The following SLC25A30 variants were observed in gnomAD, a reference collection of about 807,000 sequenced individuals.
SLC25A30 encodes kidney mitochondrial carrier protein 1.
SLC25A30 carries 29 observed loss-of-function variants against 42.7 expected under a neutral mutation model. The ratio of observed to expected loss-of-function variants is 0.68; its 90% CI spans 0.51 to 0.93. SLC25A30 has a LOEUF of 0.93. SLC25A30 is among the 40% of genes least tolerant of loss of function. The probability of loss-of-function intolerance (pLI) is 0.00; values close to 1 mark genes in which losing one functional copy is unlikely to be tolerated. For missense variants in SLC25A30, 300 were observed against 359.7 expected, an observed-to-expected ratio of 0.83 and a Z score of 1.34; for synonymous variants, 124 against 131.0, an observed-to-expected ratio of 0.95 and a Z score of 0.37.
upstream of SLC25A30, among the ~76,000 whole-genome samples, chr13:45,421,285 A>G (rs892446853): frequency 6.7e-6 from 1 of 149,260 alleles, no homozygotes; most frequent in Admixed American, 6.8e-5. Context: ...AGGCTAAGGC[A>G]GGAGAATTGC....
Position 45,395,174 on chromosome 13 carries a change from A to T in SLC25A30, c.*800T>A, listed in dbSNP as rs1377746863. 1 of 984,784 alleles carries T rather than the reference A, an allele frequency of 1.0e-6. No homozygotes were observed. The highest frequency in any genetic ancestry group is 1.1e-4 in the East Asian group (1 of 8,818). 61.0% of individuals were successfully genotyped at this position (984,784 alleles called of 1,614,324 possible). On this transcript the variant is annotated 3_prime_UTR_variant, in exon 10 of 10. Coordinates refer to ENST00000519676, the MANE Select transcript of SLC25A30 (RefSeq NM_001010875.4). Reference sequence around the variant, plus strand: ...TACATCAATAGACGTTATTATCCCCATTTTACTCATTGAGAAATACATATG... The same window carrying T: ...TACATCAATAGACGTTATTATCCCCTTTTTACTCATTGAGAAATACATATG...
At chr13:45,427,366 T>A in the SLC25A30 span, among the ~76,000 whole-genome samples, 1 of 152,168 alleles carries the variant, frequency 6.6e-6, no homozygotes, top group Non-Finnish European at 1.5e-5. Context: ...TTTCATTAAC[T>A]GAACTCATTG....
At chr13:45,409,943 C>T (rs1187983147) in intron 2 of SLC25A30, among the ~76,000 whole-genome samples, 1 of 152,198 alleles carries the variant, frequency 6.6e-6, no homozygotes, top group Non-Finnish European at 1.5e-5. Flanking sequence ...GAAAGCCCAC[C>T]AGCACAGAGA....
chr13:45,400,033 T>TATATACACACACAC (rs571184813), intron 7 of SLC25A30, among the ~76,000 whole-genome samples: 11 of 122,988 alleles, frequency 8.9e-5, no homozygotes, highest in Non-Finnish European at 1.7e-4. Flanking sequence ...TATATATATA[T>TATATACACACACAC]ACACACACAC....
Position 45,394,931 on chromosome 13 carries a change from T to C in SLC25A30, c.*1043A>G. 2.0e-6 allele frequency: 2 copies of C among 985,446 alleles called. No homozygotes were observed. Among genetic ancestry groups the C allele is most frequent in the Non-Finnish European group, 2.4e-6 (2 of 829,932 alleles). 61.0% of individuals were successfully genotyped at this position (985,446 alleles called of 1,614,324 possible). A position where few individuals can be genotyped will look rare whatever the true frequency, so the allele number is the denominator to read the frequency against. ...TCAACTCTTTGATTCACTACCAACATTTTGCTAAGGAAAATGTACTAAAGC... is the reference window on the plus strand; with the variant it reads ...TCAACTCTTTGATTCACTACCAACACTTTGCTAAGGAAAATGTACTAAAGC... On this transcript the variant is annotated 3_prime_UTR_variant, in exon 10 of 10. Coordinates refer to ENST00000519676, the MANE Select transcript of SLC25A30 (RefSeq NM_001010875.4).
At chr13:45,423,830 TTA>T in the SLC25A30 span, among the ~76,000 whole-genome samples, 11,092 of 76,220 alleles carry the variant, frequency 0.15, 1,170 homozygotes, top group African/African-American at 0.24. Flanking sequence ...AAATATATAT[TTA>T]TATATATAAA....
chr13:45,409,502 G>C (rs1882819535), intron 2 of SLC25A30, among the ~76,000 whole-genome samples: 1 of 151,960 alleles, frequency 6.6e-6, no homozygotes, highest in African/African-American at 2.4e-5. Context: ...ACTTGGGAGA[G>C]TGTTTTATAG....
At chr13:45,402,478 T>C (rs1286464484) in intron 5 of SLC25A30, 108 bp from the exon 6 acceptor site, 10 of 887,654 alleles carry the variant, frequency 1.1e-5, no homozygotes, top group Non-Finnish European at 1.6e-5. Context: ...TTAATAACCA[T>C]TAGCAAGGAA....
In SLC25A30 at chr13:45,394,821, A is replaced by C; in HGVS notation, c.*1153T>G. ...CTAAAGAAATCATTTTTAAAATTTC[A>C]AGCAGGTATTTTCCATCCAAACTAA... is the stretch of plus-strand genomic sequence containing the variant. On this transcript the variant is annotated 3_prime_UTR_variant, in exon 10 of 10. Coordinates refer to ENST00000519676, the MANE Select transcript of SLC25A30 (RefSeq NM_001010875.4). 1 of 985,426 alleles carries C rather than the reference A, an allele frequency of 1.0e-6. No homozygotes were observed. The highest frequency in any genetic ancestry group is 1.2e-6 in the Non-Finnish European group (1 of 829,894). The allele number at this position is 985,426 out of a possible 1,614,324, so 61.0% of individuals were successfully genotyped here.
chr13:45,395,507 T>C lies in SLC25A30; in HGVS notation c.*467A>G. On this transcript the variant is annotated 3_prime_UTR_variant, in exon 10 of 10. Coordinates refer to ENST00000519676, the MANE Select transcript of SLC25A30 (RefSeq NM_001010875.4). ...ACAGTCCAGGTCTCCATACATGAAA[T>C]TTCTTCAGTTGACAAGGAGCAAAAT... 1 of 1,048,474 alleles carries C rather than the reference T, an allele frequency of 9.5e-7. No individual in the cohort carries two copies. The highest frequency in any genetic ancestry group is 1.2e-6 in the Non-Finnish European group (1 of 867,014). The allele number at this position is 1,048,474 out of a possible 1,614,324, so 64.9% of individuals were successfully genotyped here.
chr13:45,400,943 G>T (rs1371982566), intron 7 of SLC25A30, 140 bp downstream of exon 7: 1 of 631,434 alleles, frequency 1.6e-6, no homozygotes, highest in Non-Finnish European at 2.6e-6. Context: ...AACAACAGCT[G>T]CCTATGTAGA....
chr13:45,407,593 A>G (rs970479102), intron 3 of SLC25A30, among the ~76,000 whole-genome samples: 1 of 152,130 alleles, frequency 6.6e-6, no homozygotes, highest in South Asian at 2.1e-4. Context: ...TAAAAGACTG[A>G]TGACTCCAAA....
the SLC25A30 span, among the ~76,000 whole-genome samples, chr13:45,426,981 T>G: frequency 6.6e-6 from 1 of 152,104 alleles, no homozygotes; most frequent in Non-Finnish European, 1.5e-5. Context: ...TTTCTATATT[T>G]AACTCTAAAC....
At chr13:45,398,022 G>GT in intron 8 of SLC25A30, 12 of 985,386 alleles carry the variant, frequency 1.2e-5, no homozygotes, top group Non-Finnish European at 1.3e-5. Flanking sequence ...AAGATGTCAG[G>GT]TGGATGAATA....
At chr13:45,405,791 A>AT in intron 4 of SLC25A30, 92 bp downstream of exon 4, 3 of 1,167,174 alleles carry the variant, frequency 2.6e-6, no homozygotes, top group Non-Finnish European at 3.7e-6. Flanking sequence ...AAAGTCACAA[A>AT]TAAGCTGAAG....
upstream of SLC25A30, among the ~76,000 whole-genome samples, chr13:45,419,442 C>A (rs1371411956): frequency 6.7e-6 from 1 of 150,152 alleles, no homozygotes; most frequent in East Asian, 2.0e-4. Flanking sequence ...CCTCAGCCTC[C>A]CGAGTAGCTG....
At chr13:45,431,060 T>C in the SLC25A30 span, among the ~76,000 whole-genome samples, 1 of 152,198 alleles carries the variant, frequency 6.6e-6, no homozygotes, top group South Asian at 2.1e-4. Context: ...TTTTTGTTTT[T>C]GTTTGAGATG....
upstream of SLC25A30, among the ~76,000 whole-genome samples, chr13:45,421,058 A>C (rs1883878553): frequency 6.6e-6 from 1 of 152,056 alleles, no homozygotes; most frequent in Non-Finnish European, 1.5e-5. Flanking sequence ...ACTTGGTTGC[A>C]GCAGCATAAC....
rs1488437554 is a variant in SLC25A30 at position 45,411,381 on chromosome 13, G to C, written c.45C>G (p.Ala15=). 6.2e-7 allele frequency: 1 copy of C among 1,614,062 alleles called. No individual in the cohort carries two copies. The highest frequency in any genetic ancestry group is 8.5e-7 in the Non-Finnish European group (1 of 1,179,942). ...CCTTACCGCACTCAGCAGTGATGGA[G>C]GCCAGCCCCCCGTACACAAACGGCT... ...NWKPFVYGGL[A]SITAECGTFP... is the part of the protein sequence containing the mutation. Residue 15 remains alanine, a synonymous_variant, in exon 2 of 10, where the codon GCC becomes GCG. Coordinates refer to ENST00000519676, the MANE Select transcript of SLC25A30 (RefSeq NM_001010875.4).
Sources: gnomAD v4.1 joint callset for allele counts (sites outside exome capture counted in the v4.1 genomes callset) on GRCh38, gnomAD v4.1.1 for gene constraint, MANE v1.5 for transcripts, NCBI Gene and HGNC (gene_info 2026-07-23, HGNC 2026-07-21) for gene names.